DYRK4: variants seen among roughly 807,000 people sequenced by gnomAD.
The protein encoded by DYRK4 is dual specificity tyrosine-phosphorylation-regulated kinase 4.
Under a neutral mutation model 68.3 loss-of-function variants are expected in DYRK4, and 64 were observed. The observed-to-expected ratio is 0.94, with a 90% CI of 0.77 to 1.15. The LOEUF (loss-of-function observed/expected upper bound fraction) is 1.15. Among genes scored for constraint, DYRK4 ranks in the 50% most tolerant of loss-of-function variants. DYRK4 has a pLI of 0.00. For missense variants in DYRK4, 740 were observed against 764.7 expected, an observed-to-expected ratio of 0.97 and a Z score of 0.38; for synonymous variants, 274 against 289.9, an observed-to-expected ratio of 0.95 and a Z score of 0.56.
intron 7 of DYRK4, 101 bp downstream of exon 7, chr12:4,596,386 C>G (rs1945018308): frequency 6.4e-7 from 1 of 1,565,218 alleles, no homozygotes; most frequent in Non-Finnish European, 8.6e-7. Context: ...CTCCAATCTT[C>G]CCTTTTGTCT....
Position 4,596,738 on chromosome 12 carries a change from C to A in DYRK4, c.905+9C>A, listed in dbSNP as rs774666387. 2 of 1,612,796 alleles carry A rather than the reference C, an allele frequency of 1.2e-6. No individual in the cohort carries two copies. The highest frequency in any genetic ancestry group is 2.2e-5 in the East Asian group (1 of 44,882). On this transcript the variant is annotated intron_variant, in intron 8 of 14. Coordinates refer to ENST00000543431, the MANE Select transcript of DYRK4 (RefSeq NM_001394779.1). ...ACCTTTGAGCTCCTGGGGTCAGCTG[C>A]CTTTTCTTCTTAACTCATTTTCTCT...
At chr12:4,592,229 G>T (rs1944964464) in intron 5 of DYRK4, among the ~76,000 whole-genome samples, 1 of 152,160 alleles carries the variant, frequency 6.6e-6, no homozygotes, top group African/African-American at 2.4e-5. Flanking sequence ...TGTCCTCTGG[G>T]CAAAGAACAT....
intron 2 of DYRK4, among the ~76,000 whole-genome samples, chr12:4,584,319 T>C (rs1173319916): frequency 6.6e-6 from 1 of 152,174 alleles, no homozygotes; most frequent in Non-Finnish European, 1.5e-5. Context: ...TGAATGCATC[T>C]CCAAGGTCCA....
At chr12:4,602,279 T>C in intron 10 of DYRK4, 1 of 1,059,418 alleles carries the variant, frequency 9.4e-7, no homozygotes, top group South Asian at 1.3e-5. Flanking sequence ...AACCATGCTT[T>C]AAATACTATG....
rs530846260 is a variant in DYRK4, at chr12:4,573,551, A to G, written c.132+5503A>G. ...AGTCACTTCTATTGAAAGCTTCTTCAGGCCATGACAAATAGAGTATCAGTT... is the reference window on the plus strand; with the variant it reads ...AGTCACTTCTATTGAAAGCTTCTTCGGGCCATGACAAATAGAGTATCAGTT... On this transcript the variant is annotated intron_variant, in intron 2 of 14. Transcript: ENST00000543431. Among the ~76,000 whole-genome samples the G allele has an allele frequency of 6.0e-4, 92 of 152,324 alleles. No homozygotes were observed. The South Asian group carries it at 8.7e-3, about 14-fold the overall frequency.
intron 2 of DYRK4, among the ~76,000 whole-genome samples, chr12:4,587,991 T>A (rs1277758668): frequency 6.6e-6 from 1 of 152,192 alleles, no homozygotes; most frequent in African/African-American, 2.4e-5. Context: ...TAAACTTCAG[T>A]CATTTGAGGG....
chr12:4,589,635 C>T (rs1944931728), intron 3 of DYRK4, among the ~76,000 whole-genome samples: 1 of 152,182 alleles, frequency 6.6e-6, no homozygotes, highest in African/African-American at 2.4e-5. Flanking sequence ...TAGTTCTATC[C>T]ATATTCTTGC....
intron 12 of DYRK4, 168 bp from the exon 13 acceptor site, chr12:4,609,987 T>G (rs1046722225): frequency 2.2e-5 from 10 of 448,226 alleles, no homozygotes; most frequent in Non-Finnish European, 3.8e-5. Flanking sequence ...AATCTACACA[T>G]GGTTATTTCA....
At position 4,567,951 on chromosome 12, in the gene DYRK4, G is replaced by T; in HGVS notation, c.39-4G>T. 6.5e-7 allele frequency: 1 copy of T among 1,535,862 alleles called. No individual in the cohort carries two copies. The highest frequency in any genetic ancestry group is 8.7e-7 in the Non-Finnish European group (1 of 1,146,682). On this transcript the variant is annotated splice_region_variant and splice_polypyrimidine_tract_variant and intron_variant, in intron 1 of 14. Coordinates refer to ENST00000543431, the MANE Select transcript of DYRK4 (RefSeq NM_001394779.1). ...CAATTTATTTTTTACTTTCCCTCAT[G>T]CAGGACTCAAATGGATGCTAAAAAG... is the stretch of plus-strand genomic sequence containing the variant.
intron 2 of DYRK4, among the ~76,000 whole-genome samples, chr12:4,574,042 G>T (rs1457167671): frequency 6.6e-6 from 1 of 151,850 alleles, no homozygotes; most frequent in Non-Finnish European, 1.5e-5. Flanking sequence ...TGGCTAACAC[G>T]GTGAAACCGC....
rs148650262 is a variant in DYRK4, at chr12:4,575,532, A to G, written c.132+7484A>G. Among the ~76,000 whole-genome samples, 509 of 151,664 alleles carry G rather than the reference A, an allele frequency of 3.4e-3. 10 individuals are homozygous for G. Among genetic ancestry groups the G allele is most frequent in the Admixed American group, 0.029 (445 of 15,228 alleles). ...CACTATGTTGGCCAGGATGGTCTTG[A>G]TCTCCTGACCTCGTGATCCACCCGC... On this transcript the variant is annotated intron_variant, in intron 2 of 14. Coordinates refer to ENST00000543431, the MANE Select transcript of DYRK4 (RefSeq NM_001394779.1).
intron 10 of DYRK4, chr12:4,602,334 C>T: frequency 1.1e-6 from 1 of 882,540 alleles, no homozygotes; most frequent in South Asian, 1.4e-5. Flanking sequence ...TTTTCTGTTG[C>T]TCTTCCTCTC....
chr12:4,607,212 A>T (rs1945162795), intron 11 of DYRK4, 115 bp from the exon 12 acceptor site: 3 of 1,160,054 alleles, frequency 2.6e-6, no homozygotes, highest in Non-Finnish European at 3.8e-6. Flanking sequence ...GTTATTACTT[A>T]ATGCTTTGAA....
intron 2 of DYRK4, among the ~76,000 whole-genome samples, chr12:4,575,789 A>G (rs1944783392): frequency 6.6e-6 from 1 of 152,202 alleles, no homozygotes; most frequent in East Asian, 1.9e-4. Flanking sequence ...AATATTTTAC[A>G]TATTCTGTCT....
chr12:4,577,738 T>A (rs1944803684), intron 2 of DYRK4, among the ~76,000 whole-genome samples: 1 of 152,216 alleles, frequency 6.6e-6, no homozygotes, highest in South Asian at 2.1e-4. Context: ...ATCTTCATGA[T>A]ATTTAGTCTT....
At chr12:4,585,375 G>A (rs1304230111) in intron 2 of DYRK4, among the ~76,000 whole-genome samples, 2 of 152,132 alleles carry the variant, frequency 1.3e-5, no homozygotes, top group African/African-American at 4.8e-5. Context: ...CTCCTCCCTT[G>A]CATTGCATGG....
chr12:4,592,904 C>T, intron 5 of DYRK4, 98 bp from the exon 6 acceptor site: 1 of 1,464,768 alleles, frequency 6.8e-7, no homozygotes, highest in South Asian at 1.3e-5. Flanking sequence ...GGGGAACAGG[C>T]TGATGGCTCG....
rs772561161 is a variant in DYRK4, at chr12:4,596,589, G to T, written c.765G>T (p.Arg255Ser). The change falls in exon 8 of 15, where the codon AGG becomes AGT. Residue 255 changes from arginine (R) to serine (S), a missense_variant and splice_region_variant. Physicochemically the swap from Arg to Ser is moderately radical, Grantham distance 110 (BLOSUM62 -1). Coordinates refer to ENST00000543431, the MANE Select transcript of DYRK4 (RefSeq NM_001394779.1). Reference protein sequence around the residue: ...VALKIIRNKKRFHQQALMELK... With the variant: ...VALKIIRNKKSFHQQALMELK... ...TGCCGGCCACTCCCAATCACCTTAGGTTTCACCAGCAGGCCCTGATGGAGC... is the reference window on the plus strand; with the variant it reads ...TGCCGGCCACTCCCAATCACCTTAGTTTTCACCAGCAGGCCCTGATGGAGC... 1.7e-5 allele frequency: 28 copies of T among 1,613,380 alleles called. No individual in the cohort carries two copies. Among genetic ancestry groups the T allele is most frequent in the African/African-American group, 1.1e-4 (8 of 74,812 alleles).
intron 2 of DYRK4, among the ~76,000 whole-genome samples, chr12:4,583,104 T>C (rs896790241): frequency 1.3e-5 from 2 of 152,080 alleles, no homozygotes; most frequent in African/African-American, 4.8e-5. Context: ...CCACTCACAG[T>C]AAGAAATCGT....
Sources: allele counts gnomAD v4.1 joint callset (sites outside exome capture counted in the v4.1 genomes callset), GRCh38; gene constraint gnomAD v4.1.1; transcripts MANE v1.5; gene names NCBI Gene and HGNC (gene_info 2026-07-23, HGNC 2026-07-21).